Variants in BBS9 observed in about 807,000 individuals in gnomAD.
BBS9 encodes Bardet-Biedl syndrome 9.
BBS9 carries 89 observed loss-of-function variants against 117.7 expected under a neutral mutation model. That is an observed-to-expected ratio of 0.76 (90% CI 0.64 to 0.90). BBS9 has a LOEUF of 0.90. BBS9 is among the 40% of genes least tolerant of loss of function. The probability of loss-of-function intolerance (pLI) is 0.00; values close to 1 mark genes in which losing one functional copy is unlikely to be tolerated. For synonymous variants in BBS9, 379 were observed against 370.9 expected (o/e 1.02, Z -0.25); for missense variants, 982 against 1,042.2 (o/e 0.94, Z 0.80).
chr7:33,390,307 T>C, intron 19 of BBS9: 2 of 985,156 alleles, frequency 2.0e-6, no homozygotes, highest in Admixed American at 6.1e-5. Flanking sequence ...AGATTTTCTA[T>C]ATAGTAAGAC....
chr7:33,339,222 T>G (rs1816017556), intron 10 of BBS9, among the ~76,000 whole-genome samples: 1 of 152,120 alleles, frequency 6.6e-6, no homozygotes. Context: ...CTGCATGGCT[T>G]TTGGAACTCC....
At chr7:33,321,937 T>C (rs139856147) in intron 9 of BBS9, among the ~76,000 whole-genome samples, 1,627 of 152,200 alleles carry the variant, frequency 0.011, 14 homozygotes, top group South Asian at 0.037. Context: ...TGAAAGGATG[T>C]TGAATTTTAT....
At chr7:33,400,092 T>C (rs1400211350) in intron 19 of BBS9, among the ~76,000 whole-genome samples, 1 of 152,138 alleles carries the variant, frequency 6.6e-6, no homozygotes, top group Non-Finnish European at 1.5e-5. Flanking sequence ...GTATTGTAAA[T>C]TTAATATTAG....
At chr7:33,166,401 T>G (rs767789854) in intron 4 of BBS9, among the ~76,000 whole-genome samples, 1 of 152,170 alleles carries the variant, frequency 6.6e-6, no homozygotes, top group South Asian at 2.1e-4. Flanking sequence ...AGCTGTCAGA[T>G]AGGGAGGTTT....
intron 21 of BBS9, among the ~76,000 whole-genome samples, chr7:33,599,136 A>C (rs907202336): frequency 6.6e-6 from 1 of 152,182 alleles, no homozygotes; most frequent in Non-Finnish European, 1.5e-5. Context: ...GAGGCAAGCT[A>C]GCTAAGAGGC....
chr7:33,562,848 C>T (rs1198643446), intron 21 of BBS9, among the ~76,000 whole-genome samples: 3 of 151,992 alleles, frequency 2.0e-5, no homozygotes, highest in Non-Finnish European at 2.9e-5. Context: ...CACTTGAACC[C>T]AGGAGGTGGA....
chr7:33,494,463 A>G (rs556628807), intron 19 of BBS9, among the ~76,000 whole-genome samples: 2 of 152,364 alleles, frequency 1.3e-5, no homozygotes, highest in South Asian at 4.1e-4. Context: ...GAATGAATTT[A>G]GGAATTCATT....
At chr7:33,210,686 C>T (rs990525369) in intron 5 of BBS9, among the ~76,000 whole-genome samples, 12 of 151,988 alleles carry the variant, frequency 7.9e-5, no homozygotes, top group Non-Finnish European at 1.5e-4. Context: ...TACAGGTGTG[C>T]GCCACCATGC....
At chr7:33,218,216 A>C (rs1200158041) in intron 5 of BBS9, among the ~76,000 whole-genome samples, 1 of 152,224 alleles carries the variant, frequency 6.6e-6, no homozygotes, top group Non-Finnish European at 1.5e-5. Flanking sequence ...GAATATTTGG[A>C]AAATTGATGT....
At chr7:33,330,168 C>T (rs1202267813) in intron 9 of BBS9, among the ~76,000 whole-genome samples, 1 of 152,072 alleles carries the variant, frequency 6.6e-6, no homozygotes. Flanking sequence ...TGCATGCCAC[C>T]ACACCCGGCT....
chr7:33,452,635 C>G (rs1430691413), intron 19 of BBS9, among the ~76,000 whole-genome samples: 1 of 152,108 alleles, frequency 6.6e-6, no homozygotes, highest in Non-Finnish European at 1.5e-5. Context: ...CACTAAATAT[C>G]TATTATTAAA....
chr7:33,419,672 C>A (rs1159581860), intron 19 of BBS9, among the ~76,000 whole-genome samples: 1 of 152,026 alleles, frequency 6.6e-6, no homozygotes, highest in Non-Finnish European at 1.5e-5. Context: ...AATGAAATTT[C>A]CTGAAACTAA....
At chr7:33,440,651 CATTT>C (rs1836023396) in intron 19 of BBS9, among the ~76,000 whole-genome samples, 2 of 152,130 alleles carry the variant, frequency 1.3e-5, no homozygotes, top group African/African-American at 4.8e-5. Context: ...CTAAACAAGT[CATTT>C]ATTAAGAACC....
At chr7:33,417,478 G>A (rs181671659) in intron 19 of BBS9, among the ~76,000 whole-genome samples, 2 of 152,302 alleles carry the variant, frequency 1.3e-5, no homozygotes, top group Non-Finnish European at 2.9e-5. Flanking sequence ...TAAAAACTCT[G>A]TCATTCAATG....
Position 33,146,328 on chromosome 7 carries a change from T to C in BBS9, c.76T>C (p.Cys26Arg), listed in dbSNP as rs750581462. The C allele has an allele frequency of 1.2e-6, 2 of 1,614,162 alleles. No homozygotes were observed. The highest frequency in any genetic ancestry group is 8.5e-7 in the Non-Finnish European group (1 of 1,179,998). Residue 26 changes from cysteine to arginine, a missense_variant, in exon 2 of 23, where the codon TGT becomes CGT. Cys to Arg is a radical substitution (Grantham distance 180). Coordinates refer to ENST00000242067, the MANE Select transcript of BBS9 (RefSeq NM_198428.3). ...DKEEFDQGCL[C>R]LANVDNSGNG... ...AGAAGAATTTGATCAAGGCTGTTTG[T>C]GTCTGGCTAATGTTGACAATAGTGG...
intron 17 of BBS9, among the ~76,000 whole-genome samples, chr7:33,368,214 A>G (rs542660469): frequency 8.3e-4 from 126 of 152,264 alleles, no homozygotes; most frequent in Admixed American, 6.5e-4. Context: ...AGGTAGGTAT[A>G]TGGTGAACTA....
intron 19 of BBS9, among the ~76,000 whole-genome samples, chr7:33,502,121 G>A (rs1161118599): frequency 1.3e-5 from 2 of 152,112 alleles, no homozygotes; most frequent in Non-Finnish European, 1.5e-5. Flanking sequence ...TGTTGGCCAG[G>A]CTGCTCTCGA....
At chr7:33,534,657 G>A (rs1018447558) in intron 21 of BBS9, among the ~76,000 whole-genome samples, 15 of 152,152 alleles carry the variant, frequency 9.9e-5, no homozygotes, top group African/African-American at 3.4e-4. Context: ...ATGTGAGCAG[G>A]CTTCAGAGCC....
At chr7:33,552,120 T>A (rs1854526563) in intron 21 of BBS9, among the ~76,000 whole-genome samples, 1 of 152,188 alleles carries the variant, frequency 6.6e-6, no homozygotes, top group Non-Finnish European at 1.5e-5. Flanking sequence ...ATTTTCATAT[T>A]ATTGTTTTAT....
Sources: allele counts gnomAD v4.1 joint callset (sites outside exome capture counted in the v4.1 genomes callset), GRCh38; gene constraint gnomAD v4.1.1; transcripts MANE v1.5; gene names NCBI Gene and HGNC (gene_info 2026-07-23, HGNC 2026-07-21).